DNAJB14: variants seen among roughly 807,000 people sequenced by gnomAD.
DNAJB14 encodes dnaJ homolog subfamily B member 14.
In DNAJB14, 22 loss-of-function variants were observed where a neutral mutation model predicts 48.4. That is an observed-to-expected ratio of 0.45 (90% CI 0.32 to 0.65). The LOEUF (loss-of-function observed/expected upper bound fraction) is 0.65, where lower values mean the gene tolerates loss of function less well. Ranked by LOEUF, DNAJB14 falls within the 30% of genes least tolerant of loss-of-function variation. The probability of loss-of-function intolerance (pLI) is 0.03; values close to 1 mark genes in which losing one functional copy is unlikely to be tolerated. For missense variants in DNAJB14, 319 were observed against 458.8 expected (o/e 0.70, Z 2.78); for synonymous variants, 142 against 158.7 (o/e 0.89, Z 0.79).
chr4:99,941,447 A>G (rs773477624), intron 1 of DNAJB14, among the ~76,000 whole-genome samples: 6 of 152,188 alleles, frequency 3.9e-5, no homozygotes, highest in African/African-American at 7.2e-5. Context: ...TATAGAAATA[A>G]TACATGACAT....
At chr4:99,924,855 TA>T in intron 2 of DNAJB14, 1 of 1,433,486 alleles carries the variant, frequency 7.0e-7, no homozygotes, top group Non-Finnish European at 9.8e-7. Flanking sequence ...TTTGACTGCA[TA>T]AAAAACTGAA....
intron 3 of DNAJB14, among the ~76,000 whole-genome samples, chr4:99,916,746 A>G (rs1020157818): frequency 2.6e-5 from 4 of 152,190 alleles, no homozygotes; most frequent in Non-Finnish European, 2.9e-5. Flanking sequence ...TTATATATAC[A>G]TAATTTATAA....
intron 2 of DNAJB14, chr4:99,927,011 C>T (rs1446279706): frequency 6.6e-6 from 1 of 152,146 alleles, no homozygotes; most frequent in Non-Finnish European, 1.5e-5. Context: ...TACTGTTGTT[C>T]ATCATGCTCC....
At chr4:99,905,463 GA>G in intron 6 of DNAJB14, 133 bp downstream of exon 6, 2 of 579,520 alleles carry the variant, frequency 3.5e-6, no homozygotes, top group Non-Finnish European at 6.1e-6. Context: ...AAATTAGATA[GA>G]AATTTAAAAT....
chr4:99,931,245 G>A (rs1453803668), intron 1 of DNAJB14, among the ~76,000 whole-genome samples: 1 of 152,148 alleles, frequency 6.6e-6, no homozygotes, highest in Non-Finnish European at 1.5e-5. Context: ...TGGTAAATAT[G>A]AGAGTAAATG....
intron 1 of DNAJB14, among the ~76,000 whole-genome samples, chr4:99,941,725 T>C (rs6854536): frequency 0.45 from 68,097 of 151,942 alleles, 16,361 homozygotes; most frequent in African/African-American, 0.63. Flanking sequence ...TAAATCAAAC[T>C]CCATTTTATA....
At position 99,898,123 on chromosome 4, in the gene DNAJB14, T is replaced by A. The variant is rs1220681901; in HGVS notation, c.*2905A>T. ...CTTTACATACTAGTGTAATTAAAGGTTTAACTGGAAGAAAAATTCAGCATA... is the reference window on the plus strand; with the variant it reads ...CTTTACATACTAGTGTAATTAAAGGATTAACTGGAAGAAAAATTCAGCATA... On this transcript the variant is annotated 3_prime_UTR_variant, in exon 8 of 8. Transcript: ENST00000442697. 1.3e-5 allele frequency: 2 copies of A among 151,964 alleles called. No individual in the cohort carries two copies. The highest frequency in any genetic ancestry group is 4.8e-5 in the African/African-American group (2 of 41,422). 9.4% of individuals were successfully genotyped at this position (151,964 alleles called of 1,614,324 possible). A position where few individuals can be genotyped will look rare whatever the true frequency, so the allele number is the denominator to read the frequency against.
intron 3 of DNAJB14, among the ~76,000 whole-genome samples, chr4:99,916,034 C>G (rs1425670468): frequency 1.3e-5 from 2 of 152,102 alleles, no homozygotes; most frequent in Non-Finnish European, 2.9e-5. Context: ...AATATAGCAA[C>G]TCCTGTTTTC....
intron 1 of DNAJB14, among the ~76,000 whole-genome samples, chr4:99,945,338 G>T (rs779254746): frequency 6.6e-6 from 1 of 152,122 alleles, no homozygotes; most frequent in African/African-American, 2.4e-5. Flanking sequence ...CTTCAACGAC[G>T]TAGAGAAAAA....
chr4:99,946,488 C>CT lies in DNAJB14; in HGVS notation c.83dup (p.Arg29AlafsTer32). On this transcript the variant is annotated frameshift_variant, in exon 1 of 8. Coordinates refer to ENST00000442697, the MANE Select transcript of DNAJB14 (RefSeq NM_001031723.4). LOFTEE classifies it high-confidence loss of function. ...GCTTCTCGGCCTTCTGCAGGAAGCG[C>CT]TGGGCCTTCTCGCGGTTGCCGGCGT... is the stretch of plus-strand genomic sequence containing the variant. The CT allele has an allele frequency of 1.2e-6, 2 of 1,613,758 alleles. No homozygotes were observed.
chr4:99,942,362 T>A (rs1379904179), intron 1 of DNAJB14: 1 of 151,978 alleles, frequency 6.6e-6, no homozygotes, highest in Non-Finnish European at 1.5e-5. Context: ...ATTTCCCAAT[T>A]ATTATGAAAT....
At chr4:99,901,752 C>T (rs115084389) in intron 7 of DNAJB14, among the ~76,000 whole-genome samples, 1,790 of 152,170 alleles carry the variant, frequency 0.012, 35 homozygotes, top group African/African-American at 0.04. Flanking sequence ...ATACAGACTA[C>T]AAATCAAAAT....
intron 2 of DNAJB14, chr4:99,929,651 A>G (rs973283151): frequency 6.6e-6 from 1 of 152,204 alleles, no homozygotes; most frequent in Non-Finnish European, 1.5e-5. Flanking sequence ...AGAGAAACAG[A>G]CAAGAAAGGA....
rs1389721833 is a variant in DNAJB14, at chr4:99,899,909, G to A, written c.*1119C>T. The A allele has an allele frequency of 6.6e-6, 1 of 152,012 alleles. No homozygotes were observed. The highest frequency in any genetic ancestry group is 1.9e-4 in the East Asian group (1 of 5,168). 9.4% of individuals were successfully genotyped at this position (152,012 alleles called of 1,614,324 possible). Reference sequence around the variant, plus strand: ...TAGATTTTAGCTCAGAATTTTTAAAGGATGACTTGCTTTAAGTTACTATTC... The same window carrying A: ...TAGATTTTAGCTCAGAATTTTTAAAAGATGACTTGCTTTAAGTTACTATTC... On this transcript the variant is annotated 3_prime_UTR_variant, in exon 8 of 8. Coordinates refer to ENST00000442697, the MANE Select transcript of DNAJB14 (RefSeq NM_001031723.4).
chr4:99,929,953 CT>C (rs1453662441), intron 2 of DNAJB14: 1 of 152,106 alleles, frequency 6.6e-6, no homozygotes, highest in African/African-American at 2.4e-5. Flanking sequence ...CAGTGTATAA[CT>C]TTTCAACTCT....
chr4:99,934,339 G>C (rs1282552506), intron 1 of DNAJB14, among the ~76,000 whole-genome samples: 1 of 151,608 alleles, frequency 6.6e-6, no homozygotes, highest in Non-Finnish European at 1.5e-5. Flanking sequence ...AAAATTATAA[G>C]AAAAAAAGGA....
At chr4:99,903,177 C>G (rs1304421798) in intron 7 of DNAJB14, among the ~76,000 whole-genome samples, 3 of 152,068 alleles carry the variant, frequency 2.0e-5, no homozygotes, top group African/African-American at 7.2e-5. Flanking sequence ...ATTCTTATAT[C>G]AATCTTTATA....
At chr4:99,905,524 C>A (rs1725431801) in intron 6 of DNAJB14, 73 bp downstream of exon 6, 2 of 1,151,982 alleles carry the variant, frequency 1.7e-6, no homozygotes, top group East Asian at 2.4e-5. Flanking sequence ...TAAAAGAGCA[C>A]AAGCTCTTTA....
Position 99,896,257 on chromosome 4 carries a change from G to A in DNAJB14, c.*4771C>T, listed in dbSNP as rs1476679338. 1 of 152,100 alleles carries A rather than the reference G, an allele frequency of 6.6e-6. No homozygotes were observed. The highest frequency in any genetic ancestry group is 6.5e-5 in the Admixed American group (1 of 15,278). The allele number at this position is 152,100 out of a possible 1,614,324, so 9.4% of individuals were successfully genotyped here. Reference sequence around the variant, plus strand: ...ATGATAAAAACAAACATTTTACAGTGAGAACAGACCTTTTTATTAATATAT... The same window carrying A: ...ATGATAAAAACAAACATTTTACAGTAAGAACAGACCTTTTTATTAATATAT... On this transcript the variant is annotated 3_prime_UTR_variant, in exon 8 of 8. Coordinates refer to ENST00000442697, the MANE Select transcript of DNAJB14 (RefSeq NM_001031723.4).
Sources: gnomAD v4.1 joint callset for allele counts (sites outside exome capture counted in the v4.1 genomes callset) on GRCh38, gnomAD v4.1.1 for gene constraint, MANE v1.5 for transcripts, NCBI Gene and HGNC (gene_info 2026-07-23, HGNC 2026-07-21) for gene names.